The following CENPP variants were observed in gnomAD, a reference collection of about 807,000 sequenced individuals.
The protein encoded by CENPP is centromere protein P.
Under a neutral mutation model 35.6 loss-of-function variants are expected in CENPP, and 24 were observed. The ratio of observed to expected loss-of-function variants is 0.67; its 90% confidence interval spans 0.49 to 0.95. The LOEUF is 0.95. Among genes scored for constraint, CENPP ranks in the 40% least tolerant of loss-of-function variants. The pLI, the probability that CENPP is intolerant of heterozygous loss-of-function variation, is 0.00. For synonymous variants in CENPP, 120 were observed against 125.5 expected, an observed-to-expected ratio of 0.96 and a Z score of 0.29; for missense variants, 332 against 345.3, an observed-to-expected ratio of 0.96 and a Z score of 0.31.
chr9:92,466,077 C>T (rs1304467029), intron 5 of CENPP, among the ~76,000 whole-genome samples: 1 of 152,180 alleles, frequency 6.6e-6, no homozygotes, highest in African/African-American at 2.4e-5. Context: ...AGGAGATCCG[C>T]CCGCCTTGGC....
At chr9:92,376,440 C>T (rs533272151) in intron 4 of CENPP, among the ~76,000 whole-genome samples, 4 of 152,266 alleles carry the variant, frequency 2.6e-5, no homozygotes, top group African/African-American at 9.6e-5. Context: ...GACATGAACA[C>T]ACCACTGTGA....
intron 5 of CENPP, among the ~76,000 whole-genome samples, chr9:92,483,948 G>A (rs1193096788): frequency 6.6e-6 from 1 of 152,120 alleles, no homozygotes; most frequent in Non-Finnish European, 1.5e-5. Context: ...GGTTTAGAAT[G>A]CTCATATTCT....
intron 5 of CENPP, among the ~76,000 whole-genome samples, chr9:92,604,340 C>T (rs1446984538): frequency 3.3e-5 from 5 of 152,118 alleles, no homozygotes; most frequent in African/African-American, 7.2e-5. Context: ...GCAAAAGATA[C>T]GTCACTAGTT....
chr9:92,488,107 A>AT (rs2131116208), intron 5 of CENPP, among the ~76,000 whole-genome samples: 1 of 152,332 alleles, frequency 6.6e-6, no homozygotes, highest in South Asian at 2.1e-4. Context: ...GTTTTGACCT[A>AT]TGATATTTTC....
intron 5 of CENPP, among the ~76,000 whole-genome samples, chr9:92,511,446 A>G (rs2131192499): frequency 6.7e-6 from 1 of 150,100 alleles, no homozygotes; most frequent in East Asian, 1.9e-4. Flanking sequence ...TTTTTTAAAT[A>G]TATAATTAGT....
chr9:92,615,934 G>A lies in CENPP; in HGVS notation c.*2785G>A, dbSNP rs371257807. On this transcript the variant is annotated 3_prime_UTR_variant, in exon 8 of 8. Coordinates refer to ENST00000375587, the MANE Select transcript of CENPP (RefSeq NM_001012267.3). ...GTACAGTCTTTGAATAATAGTTGAC[G>A]ATCTTGCCGTCCAGTTTATACTGAT... is the stretch of plus-strand genomic sequence containing the variant. 13 of 1,614,074 alleles carry A rather than the reference G, an allele frequency of 8.1e-6. No homozygotes were observed. Among genetic ancestry groups the A allele is most frequent in the Non-Finnish European group, 1.0e-5 (12 of 1,179,966 alleles).
chr9:92,588,174 GT>G (rs750152658), intron 5 of CENPP, among the ~76,000 whole-genome samples: 4 of 152,064 alleles, frequency 2.6e-5, no homozygotes, highest in African/African-American at 7.2e-5. Context: ...TTTATGTCAT[GT>G]GAATTTCACA....
At chr9:92,574,107 TG>T (rs1850221089) in intron 5 of CENPP, among the ~76,000 whole-genome samples, 1 of 152,124 alleles carries the variant, frequency 6.6e-6, no homozygotes, top group African/African-American at 2.4e-5. Context: ...CAAGCCCTAG[TG>T]AGATGAACCC....
At chr9:92,381,897 CTTT>C (rs79507211) in intron 5 of CENPP, among the ~76,000 whole-genome samples, 13 of 133,668 alleles carry the variant, frequency 9.7e-5, no homozygotes, top group Non-Finnish European at 1.4e-4. Context: ...TTATTTTCTG[CTTT>C]TTTTTTTTTT....
chr9:92,569,924 T>C (rs1056361684), intron 5 of CENPP, among the ~76,000 whole-genome samples: 1 of 152,248 alleles, frequency 6.6e-6, no homozygotes, highest in East Asian at 1.9e-4. Context: ...TTTTGCACAT[T>C]GATTTTGTAT....
intron 4 of CENPP, among the ~76,000 whole-genome samples, chr9:92,376,068 T>C (rs961528770): frequency 6.6e-6 from 1 of 152,196 alleles, no homozygotes; most frequent in Non-Finnish European, 1.5e-5. Context: ...CAACCCTGCC[T>C]TAGTCCTGTC....
At chr9:92,468,172 T>A (rs1845382164) in intron 5 of CENPP, among the ~76,000 whole-genome samples, 1 of 152,220 alleles carries the variant, frequency 6.6e-6, no homozygotes, top group African/African-American at 2.4e-5. Flanking sequence ...ACTGGGCTTT[T>A]ATTAGTTTGT....
intron 5 of CENPP, among the ~76,000 whole-genome samples, chr9:92,521,141 A>C (rs958740661): frequency 2.0e-5 from 3 of 152,222 alleles, no homozygotes; most frequent in Non-Finnish European, 4.4e-5. Context: ...AAGTACTGTA[A>C]GATCACTGGA....
chr9:92,424,739 A>T (rs568001093), intron 5 of CENPP, among the ~76,000 whole-genome samples: 210 of 152,222 alleles, frequency 1.4e-3, no homozygotes, highest in African/African-American at 4.6e-3. Flanking sequence ...TAGTGGTGCA[A>T]CCTCGGCTCA....
At chr9:92,467,085 C>T (rs145901771) in intron 5 of CENPP, among the ~76,000 whole-genome samples, 4 of 152,328 alleles carry the variant, frequency 2.6e-5, no homozygotes, top group African/African-American at 9.6e-5. Context: ...CCTCAGCATT[C>T]TGGCATATTT....
At chr9:92,604,204 G>T (rs1429907349) in intron 5 of CENPP, among the ~76,000 whole-genome samples, 1 of 152,198 alleles carries the variant, frequency 6.6e-6, no homozygotes, top group Non-Finnish European at 1.5e-5. Flanking sequence ...CCAGAACTTA[G>T]TATTGTTCTC....
At chr9:92,361,416 C>T (rs1177592654) in intron 4 of CENPP, among the ~76,000 whole-genome samples, 4 of 151,472 alleles carry the variant, frequency 2.6e-5, no homozygotes, top group African/African-American at 4.9e-5. Context: ...GTTGGGATTA[C>T]AGGCATGAGC....
intron 5 of CENPP, among the ~76,000 whole-genome samples, chr9:92,599,631 G>C (rs1006350054): frequency 2.0e-5 from 3 of 152,114 alleles, no homozygotes; most frequent in Admixed American, 6.5e-5. Flanking sequence ...TGGCCAGGCT[G>C]GTCTTGAACT....
intron 5 of CENPP, among the ~76,000 whole-genome samples, chr9:92,606,575 A>C (rs535265286): frequency 1.5e-3 from 228 of 152,350 alleles, no homozygotes; most frequent in Non-Finnish European, 2.9e-3. Context: ...CTTATACACA[A>C]ATGTTATAAA....
Sources: gnomAD v4.1 joint callset for allele counts (sites outside exome capture counted in the v4.1 genomes callset) on GRCh38, gnomAD v4.1.1 for gene constraint, MANE v1.5 for transcripts, NCBI Gene and HGNC (gene_info 2026-07-23, HGNC 2026-07-21) for gene names.